The following SORCS2 variants were observed in gnomAD, a reference collection of about 807,000 sequenced individuals.
SORCS2 encodes the protein VPS10 domain-containing receptor SorCS2.
A neutral mutation model predicts 141.6 loss-of-function variants in SORCS2; 100 were observed. The ratio of observed to expected loss-of-function variants is 0.71; its 90% confidence interval spans 0.60 to 0.83. The LOEUF (loss-of-function observed/expected upper bound fraction) is 0.83. Ranked by LOEUF, SORCS2 falls within the 40% of genes least tolerant of loss-of-function variation. The probability of loss-of-function intolerance (pLI) is 0.00; values close to 1 mark genes in which losing one functional copy is unlikely to be tolerated. For missense variants in SORCS2, 1,646 were observed against 1,560.2 expected (o/e 1.05, Z -0.93); for synonymous variants, 789 against 676.9 (o/e 1.17, Z -2.57).
intron 1 of SORCS2, among the ~76,000 whole-genome samples, chr4:7,219,170 C>CTGTGTGTGTGTGTGTGTGTGTG (rs57092836): frequency 4.0e-5 from 6 of 150,740 alleles, no homozygotes; most frequent in South Asian, 2.1e-4. Context: ...TTTGTCTATG[C>CTGTGTGTGTGTGTGTGTGTGTG]TGTGTGTGTG....
chr4:7,534,428 T>C (rs1160472790), intron 3 of SORCS2, among the ~76,000 whole-genome samples: 3 of 152,172 alleles, frequency 2.0e-5, no homozygotes, highest in African/African-American at 4.8e-5. Context: ...TCACTCAAAA[T>C]TACCATTTAC....
chr4:7,215,406 C>T (rs1254730555), intron 1 of SORCS2, among the ~76,000 whole-genome samples: 1 of 152,238 alleles, frequency 6.6e-6, no homozygotes. Context: ...ATGCCTGAGC[C>T]TTCCCCCGAC....
chr4:7,707,762 A>G (rs912538937), intron 14 of SORCS2, among the ~76,000 whole-genome samples: 2 of 152,210 alleles, frequency 1.3e-5, no homozygotes, highest in Non-Finnish European at 2.9e-5. Context: ...TGGCTTGAAT[A>G]AATGGGTGGT....
At chr4:7,541,121 A>C (rs1712615942) in intron 3 of SORCS2, among the ~76,000 whole-genome samples, 1 of 152,140 alleles carries the variant, frequency 6.6e-6, no homozygotes, top group Non-Finnish European at 1.5e-5. Flanking sequence ...CTGTGATGGG[A>C]AGTGAGGGTG....
chr4:7,403,747 TTTA>T (rs1724739215), intron 2 of SORCS2, among the ~76,000 whole-genome samples: 3 of 150,894 alleles, frequency 2.0e-5, no homozygotes, highest in Non-Finnish European at 4.4e-5. Flanking sequence ...TTCTTTAAAT[TTTA>T]TTATGATTTA....
At chr4:7,728,560 G>C in intron 22 of SORCS2, 98 bp downstream of exon 22, 1 of 797,954 alleles carries the variant, frequency 1.3e-6, no homozygotes, top group South Asian at 1.8e-5. Context: ...GGAGAGGCGG[G>C]TGGCACTGCC....
chr4:7,658,174 A>G (rs1468356685), intron 5 of SORCS2, among the ~76,000 whole-genome samples: 2 of 151,700 alleles, frequency 1.3e-5, no homozygotes, highest in Non-Finnish European at 3.0e-5. Flanking sequence ...TGAGTGAGTG[A>G]GTCTGTGATT....
At chr4:7,714,172 C>T (rs373684063) in intron 15 of SORCS2, 68 bp from the exon 16 acceptor site, 75 of 1,533,172 alleles carry the variant, frequency 4.9e-5, no homozygotes, top group Admixed American at 3.2e-4. Flanking sequence ...GCAGCCTCAG[C>T]GGCACAAGGC....
chr4:7,384,233 C>T (rs969591213), intron 1 of SORCS2, among the ~76,000 whole-genome samples: 8 of 152,200 alleles, frequency 5.3e-5, no homozygotes, highest in South Asian at 2.1e-4. Flanking sequence ...TAATGCCTCT[C>T]GGTGCCTCAA....
chr4:7,456,054 C>T (rs1728895173), intron 2 of SORCS2, among the ~76,000 whole-genome samples: 1 of 152,276 alleles, frequency 6.6e-6, no homozygotes, highest in Admixed American at 6.5e-5. Flanking sequence ...CCCTCCCCGG[C>T]TTGCAGATGG....
intron 3 of SORCS2, among the ~76,000 whole-genome samples, chr4:7,544,551 T>A (rs944809545): frequency 6.6e-6 from 1 of 152,184 alleles, no homozygotes; most frequent in African/African-American, 2.4e-5. Context: ...CCCCCTGCCA[T>A]TGCAGATTCC....
intron 1 of SORCS2, among the ~76,000 whole-genome samples, chr4:7,234,610 C>G (rs542285571): frequency 6.6e-6 from 1 of 152,300 alleles, no homozygotes; most frequent in Non-Finnish European, 1.5e-5. Flanking sequence ...CAGTTCCAGT[C>G]CTGGGCTCTG....
intron 14 of SORCS2, among the ~76,000 whole-genome samples, chr4:7,708,303 G>A (rs1273876006): frequency 6.6e-6 from 1 of 152,170 alleles, no homozygotes; most frequent in Non-Finnish European, 1.5e-5. Flanking sequence ...ACAGGTCCCG[G>A]CTGGCCTTCC....
At position 7,447,952 on chromosome 4, in the gene SORCS2, C is replaced by T. The variant is rs183134643; in HGVS notation, c.548+51597C>T. Among the ~76,000 whole-genome samples the T allele has an allele frequency of 2.6e-3, 391 of 152,296 alleles. 1 individual carries two copies. The highest frequency in any genetic ancestry group is 8.9e-3 in the African/African-American group (368 of 41,566). On this transcript the variant is annotated intron_variant, in intron 2 of 26. Transcript: ENST00000507866. ...CTTCACACGCAGGCTGATGCGCTCC[C>T]TTCCCATCCACGCCTGCTCGGTTTT... is the stretch of plus-strand genomic sequence containing the variant.
intron 1 of SORCS2, among the ~76,000 whole-genome samples, chr4:7,266,225 G>A (rs972930557): frequency 1.2e-4 from 18 of 152,174 alleles, no homozygotes; most frequent in Admixed American, 9.8e-4. Flanking sequence ...GCAGGCCAGC[G>A]GGTGGCCTGG....
chr4:7,434,220 C>G, intron 2 of SORCS2: 1 of 1,613,706 alleles, frequency 6.2e-7, no homozygotes, highest in Non-Finnish European at 8.5e-7. Flanking sequence ...AGAGGACGGC[C>G]AGGCCAGGCC....
chr4:7,270,461 T>C (rs6856530), intron 1 of SORCS2, among the ~76,000 whole-genome samples: 74,762 of 152,102 alleles, frequency 0.49, 19,368 homozygotes, highest in Non-Finnish European at 0.58. Flanking sequence ...GGATCTGGCC[T>C]GGGGTCTGGT....
At chr4:7,540,024 C>G (rs1163907905) in intron 3 of SORCS2, among the ~76,000 whole-genome samples, 4 of 150,542 alleles carry the variant, frequency 2.7e-5, no homozygotes, top group Non-Finnish European at 5.9e-5. Context: ...GGCCCCGCCC[C>G]CTTTCTGCTG....
intron 1 of SORCS2, among the ~76,000 whole-genome samples, chr4:7,386,660 T>C (rs997484929): frequency 5.5e-5 from 8 of 146,258 alleles, no homozygotes; most frequent in South Asian, 4.4e-4. Flanking sequence ...CAGAAATACA[T>C]GCACACACAC....
Sources: allele counts gnomAD v4.1 joint callset (sites outside exome capture counted in the v4.1 genomes callset), GRCh38; gene constraint gnomAD v4.1.1; transcripts MANE v1.5; gene names NCBI Gene and HGNC (gene_info 2026-07-23, HGNC 2026-07-21).